Variants in ARHGAP44 observed in about 807,000 individuals in gnomAD.
The protein encoded by ARHGAP44 is rho GTPase-activating protein 44.
In ARHGAP44, 43 loss-of-function variants were observed where a neutral mutation model predicts 106.8. The ratio of observed to expected loss-of-function variants is 0.40; its 90% confidence interval spans 0.32 to 0.52. The LOEUF is 0.52. Ranked by LOEUF, ARHGAP44 falls within the 20% of genes least tolerant of loss-of-function variation. ARHGAP44 has a pLI of 0.48. For missense variants in ARHGAP44, 866 were observed against 1,050.5 expected, an observed-to-expected ratio of 0.82 and a Z score of 2.43; for synonymous variants, 439 against 410.3, an observed-to-expected ratio of 1.07 and a Z score of -0.85.
At chr17:12,911,531 C>T (rs1480575997) in intron 4 of ARHGAP44, among the ~76,000 whole-genome samples, 1 of 152,104 alleles carries the variant, frequency 6.6e-6, no homozygotes, top group Admixed American at 6.6e-5. Flanking sequence ...AGAATTGGCA[C>T]CAGGGATCTC....
chr17:12,903,956 A>T (rs1388479270), intron 3 of ARHGAP44, among the ~76,000 whole-genome samples: 3 of 152,184 alleles, frequency 2.0e-5, no homozygotes, highest in Non-Finnish European at 2.9e-5. Flanking sequence ...ACCTTAGAGA[A>T]TCTTTTTAGA....
At chr17:12,890,140 A>G (rs1217513989) in intron 1 of ARHGAP44, among the ~76,000 whole-genome samples, 1 of 151,958 alleles carries the variant, frequency 6.6e-6, no homozygotes, top group Non-Finnish European at 1.5e-5. Context: ...GCATTGCCTT[A>G]GTGAGTACTC....
intron 1 of ARHGAP44, chr17:12,790,306 C>G (rs753925637): frequency 1.1e-5 from 2 of 181,190 alleles, no homozygotes; most frequent in Non-Finnish European, 2.3e-5. Context: ...CCCTCCCCTG[C>G]GCCGAGTTCA....
At chr17:12,939,265 T>G (rs2038639341) in intron 7 of ARHGAP44, among the ~76,000 whole-genome samples, 2 of 152,044 alleles carry the variant, frequency 1.3e-5, no homozygotes, top group South Asian at 4.2e-4. Flanking sequence ...TTTCATCTGT[T>G]CATTCAGCAA....
At chr17:12,848,354 G>A (rs150413460) in intron 1 of ARHGAP44, among the ~76,000 whole-genome samples, 2 of 151,784 alleles carry the variant, frequency 1.3e-5, no homozygotes, top group African/African-American at 4.8e-5. Context: ...GGTGTAGATA[G>A]ATATTCAGAC....
chr17:12,881,506 A>G (rs188970216), intron 1 of ARHGAP44, among the ~76,000 whole-genome samples: 7 of 152,164 alleles, frequency 4.6e-5, no homozygotes, highest in African/African-American at 1.7e-4. Flanking sequence ...TTTATTCCTG[A>G]ACATACCCTT....
At chr17:12,891,932 A>T (rs1391079068) in intron 1 of ARHGAP44, among the ~76,000 whole-genome samples, 1 of 151,518 alleles carries the variant, frequency 6.6e-6, no homozygotes, top group East Asian at 2.0e-4. Context: ...AGTAGCTGGG[A>T]TTGCAGGTGC....
At chr17:12,855,713 T>A (rs1365891567) in intron 1 of ARHGAP44, among the ~76,000 whole-genome samples, 5 of 152,248 alleles carry the variant, frequency 3.3e-5, no homozygotes, top group Non-Finnish European at 5.9e-5. Flanking sequence ...TTGTCTAAAA[T>A]TGAGTGTCTG....
chr17:12,840,094 T>A (rs955431427), intron 1 of ARHGAP44, among the ~76,000 whole-genome samples: 3 of 152,232 alleles, frequency 2.0e-5, no homozygotes, highest in African/African-American at 7.2e-5. Flanking sequence ...ACACTTGATT[T>A]CTTAATTAAT....
At position 12,990,089 on chromosome 17, in the gene ARHGAP44, T is replaced by A; in HGVS notation, c.2375T>A (p.Leu792Gln). ...ATAGAGCTCGGGTCGACGCTCCGCC[T>A]GAGTCCCCTGGAGCACATGCGGCGA... ...IHIELGSTLRLSPLEHMRRHS... is the reference protein window; with the variant it reads ...IHIELGSTLRQSPLEHMRRHS... The change falls in exon 21 of 21, where the codon CTG becomes CAG. Residue 792 changes from leucine (L) to glutamine (Q), a missense_variant. By Grantham distance (113) the Leu-to-Gln change is moderately radical. This residue lies in a region of ARHGAP44 where 418 missense variants were observed against 403.6 expected (regional missense o/e 1.04). Transcript: ENST00000379672. 1.2e-6 allele frequency: 2 copies of A among 1,613,142 alleles called. No homozygotes were observed. The highest frequency in any genetic ancestry group is 1.7e-6 in the Non-Finnish European group (2 of 1,179,412).
rs928672073 is a variant in ARHGAP44 at position 12,964,557 on chromosome 17, G to A, written c.1523+5660G>A. On this transcript the variant is annotated intron_variant, in intron 16 of 20. Transcript: ENST00000379672. Reference sequence around the variant, plus strand: ...GCACTTCGGGAGGCCAAGGTGGGCGGATCACTTGAGGTCAGGAGTTCTAGA... The same window carrying A: ...GCACTTCGGGAGGCCAAGGTGGGCGAATCACTTGAGGTCAGGAGTTCTAGA... Among the ~76,000 whole-genome samples, 3 of 152,188 alleles carry A rather than the reference G, an allele frequency of 2.0e-5. No homozygotes were observed. The East Asian group carries it at 5.8e-4, about 29-fold the overall frequency.
chr17:12,892,033 AC>A (rs1162374008), intron 1 of ARHGAP44, among the ~76,000 whole-genome samples: 1 of 151,998 alleles, frequency 6.6e-6, no homozygotes, highest in African/African-American at 2.4e-5. Context: ...CAGGTGATCC[AC>A]CCGCCTTGGC....
At chr17:12,919,729 G>A (rs1227628595) in intron 5 of ARHGAP44, 26 bp from the exon 6 acceptor site, 27 of 1,590,912 alleles carry the variant, frequency 1.7e-5, no homozygotes, top group Non-Finnish European at 2.1e-5. Flanking sequence ...CAGTTTAATT[G>A]TATCTTTTAT....
At chr17:12,903,132 AGAGAGAGAGTGTGTGTGTGTGTGT>A (rs1567677775) in intron 3 of ARHGAP44, among the ~76,000 whole-genome samples, 24 of 125,934 alleles carry the variant, frequency 1.9e-4, no homozygotes, top group African/African-American at 7.5e-4. Context: ...GAGAGGAGAG[AGAGAGAGAGTGTGTGTGTGTGTGT>A]GTGTGTGTGT....
At chr17:12,844,005 C>CT (rs1246960133) in intron 1 of ARHGAP44, among the ~76,000 whole-genome samples, 1 of 152,102 alleles carries the variant, frequency 6.6e-6, no homozygotes, top group Non-Finnish European at 1.5e-5. Context: ...ACTCAAAACT[C>CT]TGTCTTCCCT....
chr17:12,925,512 T>C (rs183398844), intron 6 of ARHGAP44, among the ~76,000 whole-genome samples: 1 of 152,314 alleles, frequency 6.6e-6, no homozygotes, highest in East Asian at 1.9e-4. Flanking sequence ...TTCTGGACAT[T>C]CTGTTGTCCT....
intron 1 of ARHGAP44, among the ~76,000 whole-genome samples, chr17:12,860,215 A>G (rs1290952057): frequency 4.6e-5 from 7 of 152,216 alleles, no homozygotes; most frequent in African/African-American, 1.7e-4. Context: ...AATATAATTA[A>G]TACATTGACA....
intron 3 of ARHGAP44, among the ~76,000 whole-genome samples, chr17:12,901,933 T>C (rs571478344): frequency 1.3e-5 from 2 of 152,136 alleles, no homozygotes; most frequent in African/African-American, 2.4e-5. Flanking sequence ...GCTTCAACAT[T>C]TACCACCCTA....
At chr17:12,929,721 TG>T (rs1434452358) in intron 7 of ARHGAP44, among the ~76,000 whole-genome samples, 5 of 152,232 alleles carry the variant, frequency 3.3e-5, no homozygotes, top group African/African-American at 1.2e-4. Context: ...TCTCTTTACC[TG>T]CATATATGTC....
Sources: allele counts gnomAD v4.1 joint callset (sites outside exome capture counted in the v4.1 genomes callset), GRCh38; gene constraint gnomAD v4.1.1; regional missense constraint gnomAD v4.1.1; transcripts MANE v1.5; gene names NCBI Gene and HGNC (gene_info 2026-07-23, HGNC 2026-07-21).